Variants in GNA14 observed in about 807,000 individuals in gnomAD.
GNA14 encodes the protein guanine nucleotide-binding protein subunit alpha-14.
A neutral mutation model predicts 42.0 loss-of-function variants in GNA14; 50 were observed. The observed-to-expected ratio is 1.19, with a 90% CI of 0.95 to 1.51. The LOEUF (loss-of-function observed/expected upper bound fraction) is 1.51, where lower values mean the gene tolerates loss of function less well. Among genes scored for constraint, GNA14 ranks in the 40% most tolerant of loss-of-function variants. The pLI, the probability that GNA14 is intolerant of heterozygous loss-of-function variation, is 0.00. For missense variants in GNA14, 473 were observed against 446.2 expected (o/e 1.06, Z -0.54); for synonymous variants, 173 against 163.1 (o/e 1.06, Z -0.46).
chr9:77,469,365 T>TAAAAAAAAAAAAAAAAAA (rs10537760), intron 2 of GNA14, among the ~76,000 whole-genome samples: 3 of 116,934 alleles, frequency 2.6e-5, no homozygotes, highest in Non-Finnish European at 5.2e-5. Flanking sequence ...TAAACTGTGT[T>TAAAAAAAAAAAAAAAAAA]AAAAAAAAAA....
rs566379358 is a variant in GNA14 at position 77,527,879 on chromosome 9, C to T, written c.309+1190G>A. On this transcript the variant is annotated intron_variant, in intron 2 of 6. Coordinates refer to ENST00000341700, the MANE Select transcript of GNA14 (RefSeq NM_004297.4). ...CGAACTCCTGACCTCAGGTGATCCC[C>T]CTGCCTTGGCCTCCCAAAGTGCTGG... 6.6e-5 allele frequency among the ~76,000 whole-genome samples: 10 copies of T among 152,298 alleles called. No individual in the cohort carries two copies. The East Asian group carries it at 1.7e-3, about 27-fold the overall frequency.
chr9:77,614,070 A>T (rs1481125058), intron 1 of GNA14, among the ~76,000 whole-genome samples: 1 of 152,220 alleles, frequency 6.6e-6, no homozygotes, highest in Non-Finnish European at 1.5e-5. Flanking sequence ...TCAGTGATTT[A>T]ACACAATTAA....
intron 1 of GNA14, among the ~76,000 whole-genome samples, chr9:77,627,625 A>T (rs1324556778): frequency 1.3e-5 from 2 of 152,218 alleles, no homozygotes; most frequent in African/African-American, 4.8e-5. Context: ...TCACGTAAAC[A>T]GAACCAACGC....
intron 1 of GNA14, among the ~76,000 whole-genome samples, chr9:77,570,765 G>A (rs991412812): frequency 6.6e-6 from 1 of 152,120 alleles, no homozygotes; most frequent in Non-Finnish European, 1.5e-5. Context: ...GAGTAACCTT[G>A]CTGGGTCGTA....
At chr9:77,518,299 A>G (rs1837293736) in intron 2 of GNA14, among the ~76,000 whole-genome samples, 2 of 152,316 alleles carry the variant, frequency 1.3e-5, no homozygotes. Flanking sequence ...CCTTTGGAAG[A>G]AAAACTTTCT....
chr9:77,594,612 T>C (rs1823435727), intron 1 of GNA14, among the ~76,000 whole-genome samples: 1 of 152,202 alleles, frequency 6.6e-6, no homozygotes, highest in African/African-American at 2.4e-5. Context: ...CTCTCCATTG[T>C]GAAAGGGGCC....
intron 1 of GNA14, among the ~76,000 whole-genome samples, chr9:77,615,693 A>C (rs1292066154): frequency 1.4e-5 from 2 of 139,978 alleles, no homozygotes; most frequent in African/African-American, 5.4e-5. Context: ...CTGGTGGTTG[A>C]AAATGAAATA....
chr9:77,632,706 C>G (rs902287510), intron 1 of GNA14, among the ~76,000 whole-genome samples: 10 of 152,188 alleles, frequency 6.6e-5, no homozygotes, highest in African/African-American at 2.4e-4. Flanking sequence ...CGTGCCTGGT[C>G]TGGCCGCAGC....
intron 2 of GNA14, among the ~76,000 whole-genome samples, chr9:77,494,799 T>A (rs1836845189): frequency 6.6e-6 from 1 of 151,628 alleles, no homozygotes; most frequent in Admixed American, 6.6e-5. Flanking sequence ...TTGTTTTGTT[T>A]TGTTTTGTTT....
chr9:77,600,981 A>T (rs1226329128), intron 1 of GNA14, among the ~76,000 whole-genome samples: 1 of 152,200 alleles, frequency 6.6e-6, no homozygotes, highest in Non-Finnish European at 1.5e-5. Context: ...CAGGAGGCGG[A>T]TAAGGAAAGG....
At chr9:77,449,624 G>A (rs1282607639) in intron 2 of GNA14, among the ~76,000 whole-genome samples, 3 of 152,156 alleles carry the variant, frequency 2.0e-5, no homozygotes, top group East Asian at 3.9e-4. Flanking sequence ...TGACTTTTAA[G>A]AGAAACCAGT....
chr9:77,541,748 A>G (rs1180152009), intron 1 of GNA14, among the ~76,000 whole-genome samples: 1 of 150,768 alleles, frequency 6.6e-6, no homozygotes, highest in East Asian at 2.0e-4. Context: ...TTTTTTCTTT[A>G]TTTTTGTCTG....
intron 4 of GNA14, 30 bp downstream of exon 4, chr9:77,431,291 C>T: frequency 6.2e-7 from 1 of 1,606,346 alleles, no homozygotes; most frequent in Non-Finnish European, 8.5e-7. Flanking sequence ...TGGGCAGATT[C>T]TTCATGGTAC....
intron 2 of GNA14, among the ~76,000 whole-genome samples, chr9:77,475,335 A>G (rs1417340955): frequency 2.6e-5 from 4 of 152,176 alleles, no homozygotes; most frequent in Admixed American, 6.5e-5. Context: ...AATAGTTGCT[A>G]TGGTTAAGAA....
chr9:77,647,851 GCCCGGCCGCTCA>G lies in GNA14; in HGVS notation c.-70_-59del. 1.3e-6 allele frequency: 2 copies of G among 1,564,924 alleles called. No individual in the cohort carries two copies. Among genetic ancestry groups the G allele is most frequent in the South Asian group, 2.3e-5 (2 of 86,560 alleles). ...GCGGCCCCGGGCACCCGAATCCTCG[GCCCGGCCGCTCA>G]CCCGGCCAGCATGCGACGGGCACAG... On this transcript the variant is annotated 5_prime_UTR_variant, in exon 1 of 7. An upstream open reading frame in the 5' UTR loses its in-frame stop. Transcript: ENST00000341700.
chr9:77,476,105 T>C (rs959898659), intron 2 of GNA14, among the ~76,000 whole-genome samples: 21 of 152,172 alleles, frequency 1.4e-4, no homozygotes, highest in South Asian at 2.1e-4. Context: ...ACAACAACAA[T>C]AACTTAGCTT....
At chr9:77,500,343 C>T (rs1836946124) in intron 2 of GNA14, among the ~76,000 whole-genome samples, 1 of 152,098 alleles carries the variant, frequency 6.6e-6, no homozygotes, top group Non-Finnish European at 1.5e-5. Context: ...TGGGAATGAA[C>T]TTACCTAGGC....
chr9:77,436,336 C>A (rs894847020), intron 2 of GNA14, among the ~76,000 whole-genome samples: 7 of 152,166 alleles, frequency 4.6e-5, no homozygotes, highest in East Asian at 1.9e-4. Flanking sequence ...GCCTCAGTGT[C>A]CTCATTTGTA....
chr9:77,641,752 T>C (rs935130807), intron 1 of GNA14, among the ~76,000 whole-genome samples: 1 of 152,104 alleles, frequency 6.6e-6, no homozygotes, highest in Non-Finnish European at 1.5e-5. Context: ...CGTTATTGGG[T>C]GAACCAACAA....
Sources: allele counts gnomAD v4.1 joint callset (sites outside exome capture counted in the v4.1 genomes callset), GRCh38; gene constraint gnomAD v4.1.1; transcripts MANE v1.5; gene names NCBI Gene and HGNC (gene_info 2026-07-23, HGNC 2026-07-21).